The following GRXCR2 variants were observed in gnomAD, a reference collection of about 807,000 sequenced individuals.
The protein encoded by GRXCR2 is glutaredoxin and cysteine rich domain containing 2.
Under a neutral mutation model 24.8 loss-of-function variants are expected in GRXCR2, and 23 were observed. The observed-to-expected ratio is 0.93, with a 90% CI of 0.67 to 1.32. The LOEUF (loss-of-function observed/expected upper bound fraction) is 1.32. Among genes scored for constraint, GRXCR2 ranks in the 40% most tolerant of loss-of-function variants. The pLI is 0.00. For missense variants in GRXCR2, 315 were observed against 303.4 expected (o/e 1.04, Z -0.28); for synonymous variants, 130 against 116.1 (o/e 1.12, Z -0.77).
intron 2 of GRXCR2, among the ~76,000 whole-genome samples, chr5:145,920,771 T>C (rs1757310496): frequency 6.6e-6 from 1 of 152,234 alleles, no homozygotes; most frequent in African/African-American, 2.4e-5. Flanking sequence ...TCCTTAAAAC[T>C]GATATGTAGC....
intron 2 of GRXCR2, among the ~76,000 whole-genome samples, chr5:145,915,084 C>G (rs760621176): frequency 2.0e-5 from 3 of 152,132 alleles, no homozygotes; most frequent in Non-Finnish European, 4.4e-5. Flanking sequence ...TCTTAACCTA[C>G]CTGAAACCTT....
At chr5:145,918,141 T>G (rs773249469) in intron 2 of GRXCR2, among the ~76,000 whole-genome samples, 1 of 152,214 alleles carries the variant, frequency 6.6e-6, no homozygotes, top group Non-Finnish European at 1.5e-5. Flanking sequence ...GATTGCCACT[T>G]TTCAGTTGAA....
chr5:145,909,103 A>G (rs1449155382), intron 2 of GRXCR2, among the ~76,000 whole-genome samples: 5 of 152,332 alleles, frequency 3.3e-5, no homozygotes, highest in African/African-American at 1.2e-4. Flanking sequence ...GACATTATCA[A>G]AAAAATAAAT....
chr5:145,869,395 T>G (rs1284080616), intron 1 of GRXCR2, among the ~76,000 whole-genome samples: 1 of 152,172 alleles, frequency 6.6e-6, no homozygotes, highest in Non-Finnish European at 1.5e-5. Context: ...TTGCTTAAAA[T>G]ATTTTTATTA....
chr5:145,914,262 G>GGTA (rs112236068), intron 2 of GRXCR2, among the ~76,000 whole-genome samples: 2,059 of 152,164 alleles, frequency 0.014, 58 homozygotes, highest in African/African-American at 0.047. Flanking sequence ...CTGTCTTTAT[G>GGTA]GTAGTATCTC....
rs182053809 is a variant in GRXCR2 at position 145,864,789 on chromosome 5, G to A, written c.564+1712C>T. 2.6e-3 allele frequency among the ~76,000 whole-genome samples: 398 copies of A among 152,222 alleles called. 3 individuals are homozygous for A. Among genetic ancestry groups the A allele is most frequent in the African/African-American group, 9.2e-3 (380 of 41,520 alleles). Reference sequence around the variant, plus strand: ...CTCAGTCTCAAGTACTATCTTTAGAGCAGTGTGAAAACGGACTAATACAGT... The same window carrying A: ...CTCAGTCTCAAGTACTATCTTTAGAACAGTGTGAAAACGGACTAATACAGT... On this transcript the variant is annotated intron_variant, in intron 2 of 2. Transcript: ENST00000377976.
At chr5:145,911,114 G>C (rs942556438) in intron 2 of GRXCR2, among the ~76,000 whole-genome samples, 1 of 152,008 alleles carries the variant, frequency 6.6e-6, no homozygotes, top group Non-Finnish European at 1.5e-5. Flanking sequence ...TATGTTCAAG[G>C]TGTACAGCGT....
chr5:145,905,489 GC>G lies in GRXCR2; in HGVS notation c.-70+30211del, dbSNP rs1380668323. Among the ~76,000 whole-genome samples the G allele has an allele frequency of 3.9e-5, 6 of 152,272 alleles. No individual in the cohort carries two copies. The East Asian group carries it at 1.2e-3, about 29-fold the overall frequency. On this transcript the variant is annotated intron_variant, in intron 2 of 3. Coordinates refer to the GRXCR2 transcript ENST00000639411. ...ACTATGTACACAATATATTTTAACT[GC>G]CTGTATGGTGTAGAGGGGATGCCTA...
chr5:145,888,227 A>T (rs1756803237), intron 2 of GRXCR2, among the ~76,000 whole-genome samples: 1 of 152,186 alleles, frequency 6.6e-6, no homozygotes, highest in Non-Finnish European at 1.5e-5. Context: ...AAAGGATGTG[A>T]TTGTGTGGCT....
chr5:145,926,153 T>C (rs977817100), intron 2 of GRXCR2, among the ~76,000 whole-genome samples: 5 of 152,146 alleles, frequency 3.3e-5, no homozygotes, highest in Admixed American at 6.6e-5. Context: ...AGTGAAATGA[T>C]TTATCACTTA....
intron 2 of GRXCR2, among the ~76,000 whole-genome samples, chr5:145,908,920 C>T (rs1757125611): frequency 6.6e-6 from 1 of 152,182 alleles, no homozygotes; most frequent in Admixed American, 6.5e-5. Context: ...TGACCCAAGA[C>T]TTCTGCATCT....
At chr5:145,907,461 G>A (rs1016313295) in intron 2 of GRXCR2, among the ~76,000 whole-genome samples, 13 of 152,094 alleles carry the variant, frequency 8.5e-5, no homozygotes, top group Admixed American at 7.2e-4. Context: ...CCCAGGAGGC[G>A]GAGGTTGCAG....
chr5:145,919,638 G>A (rs1159122442), intron 2 of GRXCR2, among the ~76,000 whole-genome samples: 2 of 152,144 alleles, frequency 1.3e-5, no homozygotes, highest in African/African-American at 4.8e-5. Context: ...AGGAGAAGCT[G>A]TTAATTTTAG....
chr5:145,928,623 A>G (rs1242945361), intron 2 of GRXCR2, among the ~76,000 whole-genome samples: 1 of 152,058 alleles, frequency 6.6e-6, no homozygotes, highest in African/African-American at 2.4e-5. Flanking sequence ...GAAGCTGGAA[A>G]CCATCATTCT....
intron 2 of GRXCR2, among the ~76,000 whole-genome samples, chr5:145,862,882 T>C (rs911105860): frequency 6.6e-6 from 1 of 152,202 alleles, no homozygotes; most frequent in Non-Finnish European, 1.5e-5. Context: ...AAAAGTTAAA[T>C]GAACTGTTGC....
chr5:145,910,253 G>A (rs982979151), intron 2 of GRXCR2, among the ~76,000 whole-genome samples: 8 of 152,062 alleles, frequency 5.3e-5, no homozygotes, highest in Admixed American at 4.6e-4. Context: ...TCTGAAACTC[G>A]GGGTCCAGTC....
downstream of GRXCR2, among the ~76,000 whole-genome samples, chr5:145,858,019 A>G (rs1245673938): frequency 6.6e-6 from 1 of 152,202 alleles, no homozygotes; most frequent in Non-Finnish European, 1.5e-5. Context: ...ATTCCTGTCG[A>G]AAAGCAGAAT....
At chr5:145,902,886 G>A (rs1757043158) in intron 2 of GRXCR2, among the ~76,000 whole-genome samples, 1 of 152,142 alleles carries the variant, frequency 6.6e-6, no homozygotes, top group Non-Finnish European at 1.5e-5. Context: ...GACCTTGGAG[G>A]GGTTTGAGTG....
chr5:145,922,941 G>C (rs975104985), intron 2 of GRXCR2, among the ~76,000 whole-genome samples: 1 of 152,204 alleles, frequency 6.6e-6, no homozygotes. Context: ...TTATAAAAGC[G>C]GTGCAAGCAT....
Sources: allele counts gnomAD v4.1 joint callset (sites outside exome capture counted in the v4.1 genomes callset), GRCh38; gene constraint gnomAD v4.1.1; transcripts MANE v1.5; gene names NCBI Gene and HGNC (gene_info 2026-07-23, HGNC 2026-07-21).